The following IQCH variants were observed in gnomAD, a reference collection of about 807,000 sequenced individuals.
The protein encoded by IQCH is IQ domain-containing protein H.
A neutral mutation model predicts 117.0 loss-of-function variants in IQCH; 98 were observed. The ratio of observed to expected loss-of-function variants is 0.84; its 90% CI spans 0.71 to 0.99. The LOEUF (loss-of-function observed/expected upper bound fraction) is 0.99. Among genes scored for constraint, IQCH ranks in the 50% least tolerant of loss-of-function variants. The probability of loss-of-function intolerance (pLI) is 0.00; values close to 1 mark genes in which losing one functional copy is unlikely to be tolerated. For missense variants in IQCH, 1,102 were observed against 1,243.8 expected, an observed-to-expected ratio of 0.89 and a Z score of 1.72; for synonymous variants, 412 against 448.2, an observed-to-expected ratio of 0.92 and a Z score of 1.02.
At chr15:67,485,865 G>A (rs970701553) in intron 18 of IQCH, among the ~76,000 whole-genome samples, 32 of 151,682 alleles carry the variant, frequency 2.1e-4, no homozygotes, top group Non-Finnish European at 4.4e-5. Context: ...CACCGTGTTG[G>A]TCAGGATGGT....
intron 18 of IQCH, among the ~76,000 whole-genome samples, chr15:67,478,974 G>A (rs1039782500): frequency 6.6e-6 from 1 of 151,976 alleles, no homozygotes; most frequent in Non-Finnish European, 1.5e-5. Flanking sequence ...ATAAACAGAA[G>A]TACAAGAAAA....
chr15:67,376,288 C>A lies in IQCH; in HGVS notation c.1372+2855C>A, dbSNP rs1405413863. On this transcript the variant is annotated intron_variant, in intron 10 of 20. Transcript: ENST00000335894. This position sits in a 1 kb window ranked among gnomAD's most constrained non-coding sequence, Gnocchi z 5.0. ...ATGCCACAAACTTCTTTGTCTCATG[C>A]ACCAGGGACTTACCTATACAATTCA... is the stretch of plus-strand genomic sequence containing the variant. Among the ~76,000 whole-genome samples, 1 of 152,188 alleles carries A rather than the reference C, an allele frequency of 6.6e-6. No individual in the cohort carries two copies. The highest frequency in any genetic ancestry group is 1.5e-5 in the Non-Finnish European group (1 of 68,042).
Position 67,479,841 on chromosome 15 carries a change from T to C in IQCH, c.2799+4023T>C, listed in dbSNP as rs963999562. 2.0e-5 allele frequency among the ~76,000 whole-genome samples: 3 copies of C among 152,206 alleles called. No homozygotes were observed. Among genetic ancestry groups the C allele is most frequent in the Admixed American group, 6.5e-5 (1 of 15,278 alleles). On this transcript the variant is annotated intron_variant, in intron 18 of 20. Coordinates refer to ENST00000335894, the MANE Select transcript of IQCH (RefSeq NM_001031715.3). This position sits in a 1 kb window ranked among gnomAD's most constrained non-coding sequence, Gnocchi z 4.6. ...GTTTTCCCATTATGATCACAGACTT[T>C]TCAAATGATGTTCTTGTCCAAAGTC...
intron 16 of IQCH, 123 bp downstream of exon 16, chr15:67,421,700 C>A: frequency 9.8e-7 from 1 of 1,019,580 alleles, no homozygotes; most frequent in Non-Finnish European, 1.4e-6. Flanking sequence ...GATGAACTTG[C>A]TCTAAATTCA....
At chr15:67,314,703 T>G (rs2140572237) in intron 4 of IQCH, among the ~76,000 whole-genome samples, 1 of 152,330 alleles carries the variant, frequency 6.6e-6, no homozygotes, top group Admixed American at 6.5e-5. Context: ...AGTGCTGAAC[T>G]GAGGACACAG....
chr15:67,329,025 A>ATGG (rs1968538076), intron 4 of IQCH, among the ~76,000 whole-genome samples: 1 of 152,138 alleles, frequency 6.6e-6, no homozygotes. Context: ...GTGGCTGGGC[A>ATGG]TGGTGGCTCA....
rs1049741082 is a variant in IQCH at position 67,403,156 on chromosome 15, A to G, written c.2097+2851A>G. 1.3e-5 allele frequency among the ~76,000 whole-genome samples: 2 copies of G among 152,064 alleles called. No individual in the cohort carries two copies. The highest frequency in any genetic ancestry group is 4.2e-4 in the South Asian group (2 of 4,810). On this transcript the variant is annotated intron_variant, in intron 14 of 20. Coordinates refer to ENST00000335894, the MANE Select transcript of IQCH (RefSeq NM_001031715.3). The surrounding 1 kb of genome is among the most constrained non-coding windows in gnomAD (Gnocchi z 4.8). ...TACCAGCTACTTGGGAGGCTGAGGC[A>G]GGAGAATTGCTTGAACCCAGGAGAC...
intron 17 of IQCH, among the ~76,000 whole-genome samples, chr15:67,470,060 T>C (rs1049770307): frequency 1.3e-5 from 2 of 152,264 alleles, no homozygotes; most frequent in Non-Finnish European, 2.9e-5. Context: ...TCCAGGAATA[T>C]TGCCATTATC....
At position 67,261,335 on chromosome 15, in the gene IQCH, G is replaced by T; in HGVS notation, c.115G>T (p.Glu39Ter). ...LTKFSPEEKG[E>*]TLDIQSLETA... is the part of the protein sequence containing the mutation. ...AAAATTCTCACCTGAGGAAAAAGGA[G>T]AGACTCTAGACATTCAGAGTCTTGA... is the stretch of plus-strand genomic sequence containing the variant. Residue 39 changes from glutamate (E) to a stop codon, truncating the protein, a stop_gained, in exon 2 of 21, where the codon GAG (glutamate) becomes TAG (stop). Transcript: ENST00000335894. LOFTEE classifies it high-confidence loss of function. 1 of 1,590,232 alleles carries T rather than the reference G, an allele frequency of 6.3e-7. No homozygotes were observed. The highest frequency in any genetic ancestry group is 1.2e-5 in the South Asian group (1 of 86,864).
intron 3 of IQCH, among the ~76,000 whole-genome samples, chr15:67,266,982 A>G (rs1965702922): frequency 6.6e-6 from 1 of 152,232 alleles, no homozygotes; most frequent in African/African-American, 2.4e-5. Flanking sequence ...TTGAAATTAA[A>G]TGACACAATT....
chr15:67,300,019 A>G (rs1309005114), intron 4 of IQCH, among the ~76,000 whole-genome samples: 1 of 152,144 alleles, frequency 6.6e-6, no homozygotes, highest in African/African-American at 2.4e-5. Context: ...AGGAATTACA[A>G]AGTAGTGATT....
intron 4 of IQCH, among the ~76,000 whole-genome samples, chr15:67,299,791 A>G (rs1596131668): frequency 6.6e-6 from 1 of 152,084 alleles, no homozygotes; most frequent in Admixed American, 6.6e-5. Context: ...TTTTGGCAGG[A>G]CTACTTCATA....
In IQCH at chr15:67,473,955, G is replaced by A. The variant is rs2083135148; in HGVS notation, c.2677-1741G>A. 6.6e-6 allele frequency among the ~76,000 whole-genome samples: 1 copy of A among 152,098 alleles called. No homozygotes were observed. The highest frequency in any genetic ancestry group is 2.1e-4 in the South Asian group (1 of 4,822). On this transcript the variant is annotated intron_variant, in intron 17 of 20. Coordinates refer to ENST00000335894, the MANE Select transcript of IQCH (RefSeq NM_001031715.3). The surrounding 1 kb of genome is among the most constrained non-coding windows in gnomAD (Gnocchi z 4.9). ...TTTAGGATGAGCAGCCTTAACTGGT[G>A]GCACTGATGATGTGACCTTCGGACA... is the stretch of plus-strand genomic sequence containing the variant.
intron 6 of IQCH, among the ~76,000 whole-genome samples, chr15:67,354,921 G>A (rs1288705676): frequency 3.3e-5 from 5 of 152,170 alleles, no homozygotes; most frequent in Non-Finnish European, 7.3e-5. Flanking sequence ...GCCAGATGAA[G>A]GGGAAAATAG....
rs1233198234 is a variant in IQCH at position 67,479,499 on chromosome 15, T to C, written c.2799+3681T>C. ...GAAGAATTCTGGAATCCATTTCCAA[T>C]ATATCCCCTCTAGGTACCTCTTATG... On this transcript the variant is annotated intron_variant, in intron 18 of 20. Transcript: ENST00000335894. This position sits in a 1 kb window ranked among gnomAD's most constrained non-coding sequence, Gnocchi z 4.6. 6.6e-6 allele frequency among the ~76,000 whole-genome samples: 1 copy of C among 152,214 alleles called. No homozygotes were observed. Among genetic ancestry groups the C allele is most frequent in the African/African-American group, 2.4e-5 (1 of 41,464 alleles).
intron 5 of IQCH, among the ~76,000 whole-genome samples, chr15:67,340,279 T>C (rs1424793108): frequency 6.6e-6 from 1 of 151,516 alleles, no homozygotes; most frequent in East Asian, 1.9e-4. Flanking sequence ...AATACAAAAA[T>C]TAGCCAGGTG....
chr15:67,315,607 A>C (rs1967808671), intron 4 of IQCH, among the ~76,000 whole-genome samples: 1 of 152,184 alleles, frequency 6.6e-6, no homozygotes, highest in Admixed American at 6.5e-5. Flanking sequence ...TTAGTAAGTG[A>C]TAGAACTCAG....
At chr15:67,497,969 G>C (rs1397829842) in intron 20 of IQCH, among the ~76,000 whole-genome samples, 1 of 152,150 alleles carries the variant, frequency 6.6e-6, no homozygotes. Flanking sequence ...ATTCTTATCA[G>C]AATCCCAGCT....
chr15:67,350,778 G>C (rs1437133863), intron 6 of IQCH, among the ~76,000 whole-genome samples: 1 of 152,064 alleles, frequency 6.6e-6, no homozygotes, highest in Non-Finnish European at 1.5e-5. Context: ...TTACACATTT[G>C]CCAAAACTTA....
Sources: gnomAD v4.1 joint callset for allele counts (sites outside exome capture counted in the v4.1 genomes callset) on GRCh38, gnomAD v4.1.1 for gene constraint, Gnocchi (gnomAD v3.1) non-coding constraint, MANE v1.5 for transcripts, NCBI Gene and HGNC (gene_info 2026-07-23, HGNC 2026-07-21) for gene names.